Variants in FTCDNL1 observed in about 807,000 individuals in gnomAD.
FTCDNL1 encodes the protein formiminotransferase cyclodeaminase N-terminal like, also known as formiminotransferase N-terminal subdomain-containing protein.
In FTCDNL1, 11 loss-of-function variants were observed where a neutral mutation model predicts 5.9. The ratio of observed to expected loss-of-function variants is 1.87; its 90% CI spans 1.18 to 3.10. FTCDNL1 has a LOEUF of 3.10. Among genes scored for constraint, FTCDNL1 ranks in the 30% most tolerant of loss-of-function variants. FTCDNL1 has a pLI of 0.00. For synonymous variants in FTCDNL1, 58 were observed against 24.8 expected (o/e 2.34, Z -3.99); for missense variants, 115 against 65.5 (o/e 1.76, Z -2.61).
At chr2:199,723,981 C>T in the FTCDNL1 span, among the ~76,000 whole-genome samples, 1 of 152,152 alleles carries the variant, frequency 6.6e-6, no homozygotes, top group Non-Finnish European at 1.5e-5. Flanking sequence ...CTTTGCACCT[C>T]TGGCAGAATT....
At chr2:199,759,743 G>A (rs1466018826), downstream of FTCDNL1, among the ~76,000 whole-genome samples, 1 of 152,188 alleles carries the variant, frequency 6.6e-6, no homozygotes, top group East Asian at 1.9e-4. Context: ...GCTGTGAGAA[G>A]CTCATTTTTA....
chr2:199,845,947 G>A (rs555303947), intron 3 of FTCDNL1, 128 bp downstream of exon 3: 35 of 457,272 alleles, frequency 7.7e-5, no homozygotes, highest in Non-Finnish European at 1.2e-4. Context: ...GTGTAGCTTT[G>A]TGGTAGACTC....
chr2:199,797,611 G>T (rs571246410), intron 3 of FTCDNL1, among the ~76,000 whole-genome samples: 3 of 152,350 alleles, frequency 2.0e-5, no homozygotes, highest in Admixed American at 2.0e-4. Context: ...ATGAAAAGCT[G>T]ATGATGGAGA....
the FTCDNL1 span, among the ~76,000 whole-genome samples, chr2:199,665,617 A>G: frequency 2.0e-5 from 3 of 150,514 alleles, no homozygotes. Flanking sequence ...CTGGGCAACA[A>G]GAGCAAAACT....
At chr2:199,823,324 C>T (rs751486518) in intron 3 of FTCDNL1, among the ~76,000 whole-genome samples, 1 of 152,154 alleles carries the variant, frequency 6.6e-6, no homozygotes, top group African/African-American at 2.4e-5. Flanking sequence ...AATGTTGATA[C>T]TTTGACTTCC....
rs547022372 is a variant in FTCDNL1, at chr2:199,836,643, G to A, written c.211+9432C>T. On this transcript the variant is annotated intron_variant, in intron 3 of 4. Transcript: ENST00000420128. The stretch of plus-strand genomic sequence containing the variant: ...TTAACCAGGCATGGTGGTACATGCT[G>A]TAGTTCCAGCTATTCGGGAGGTGGA... Among the ~76,000 whole-genome samples the A allele has an allele frequency of 2.9e-4, 44 of 152,282 alleles. 2 individuals are homozygous for A. In the South Asian group the frequency reaches 5.0e-3, roughly 17 times the overall value.
intron 3 of FTCDNL1, among the ~76,000 whole-genome samples, chr2:199,762,670 T>A (rs1574437680): frequency 6.6e-6 from 1 of 152,202 alleles, no homozygotes; most frequent in Non-Finnish European, 1.5e-5. Flanking sequence ...TTACCCTTTA[T>A]TGTGTGATAG....
chr2:199,775,261 G>T (rs928524813), intron 3 of FTCDNL1, among the ~76,000 whole-genome samples: 7 of 152,216 alleles, frequency 4.6e-5, no homozygotes, highest in Non-Finnish European at 2.9e-5. Context: ...ATACGTGTGA[G>T]GGAGTGAAGC....
At chr2:199,765,558 T>TATA (rs1559169198) in intron 3 of FTCDNL1, among the ~76,000 whole-genome samples, 4 of 50,268 alleles carry the variant, frequency 8.0e-5, no homozygotes, top group African/African-American at 1.7e-4. Context: ...ATATATATAT[T>TATA]TTTTTTTTTT....
intron 3 of FTCDNL1, among the ~76,000 whole-genome samples, chr2:199,768,464 T>C (rs1698641960): frequency 6.6e-6 from 1 of 152,244 alleles, no homozygotes; most frequent in African/African-American, 2.4e-5. Flanking sequence ...TCTCAATGCC[T>C]TTCTGAAGAA....
the FTCDNL1 span, among the ~76,000 whole-genome samples, chr2:199,702,950 T>C: frequency 6.6e-6 from 1 of 152,028 alleles, no homozygotes; most frequent in African/African-American, 2.4e-5. Flanking sequence ...GGAGGGTGAT[T>C]GAGTGGGAGG....
intron 3 of FTCDNL1, among the ~76,000 whole-genome samples, chr2:199,828,147 G>C (rs1220266525): frequency 6.6e-6 from 1 of 152,078 alleles, no homozygotes; most frequent in Non-Finnish European, 1.5e-5. Flanking sequence ...AACAAATTTA[G>C]ATGGCCTGTG....
the FTCDNL1 span, among the ~76,000 whole-genome samples, chr2:199,706,514 G>A: frequency 6.6e-6 from 1 of 152,100 alleles, no homozygotes; most frequent in Non-Finnish European, 1.5e-5. Context: ...AACTACAGAT[G>A]GAGGCTTTTT....
Position 199,768,918 on chromosome 2 carries a change from C to T in FTCDNL1, c.212-8083G>A, listed in dbSNP as rs1273404964. Among the ~76,000 whole-genome samples the T allele has an allele frequency of 3.3e-5, 5 of 152,114 alleles. No homozygotes were observed. In the East Asian group the frequency reaches 9.6e-4, roughly 29 times the overall value. ...TTTGGATGGGTGGGCATCGTGGGCA[C>T]CCTCACCATGGCCAGGAATGTTAGG... On this transcript the variant is annotated intron_variant, in intron 3 of 3. Coordinates refer to the FTCDNL1 transcript ENST00000416668.
intron 3 of FTCDNL1, among the ~76,000 whole-genome samples, chr2:199,824,088 T>C (rs1701867756): frequency 6.6e-6 from 1 of 152,234 alleles, no homozygotes; most frequent in South Asian, 2.1e-4. Context: ...GTGCTGGAAT[T>C]ACAGGAATGG....
the FTCDNL1 span, among the ~76,000 whole-genome samples, chr2:199,688,814 G>C: frequency 1.3e-5 from 2 of 152,150 alleles, no homozygotes; most frequent in Non-Finnish European, 2.9e-5. Flanking sequence ...GTTCTGCCTC[G>C]GGTTGATAGT....
chr2:199,742,455 A>C, the FTCDNL1 span, among the ~76,000 whole-genome samples: 1 of 152,186 alleles, frequency 6.6e-6, no homozygotes, highest in Admixed American at 6.5e-5. Flanking sequence ...TTTTGCACTG[A>C]GATTCTCTTC....
chr2:199,835,555 C>T (rs1293102753), intron 3 of FTCDNL1, among the ~76,000 whole-genome samples: 2 of 151,978 alleles, frequency 1.3e-5, no homozygotes. Flanking sequence ...TGTGGAGAGA[C>T]TTGCACTTAA....
the FTCDNL1 span, among the ~76,000 whole-genome samples, chr2:199,733,171 G>A: frequency 6.6e-6 from 1 of 152,222 alleles, no homozygotes; most frequent in East Asian, 1.9e-4. Flanking sequence ...CCAGGATACT[G>A]AGGCTGGGAG....
Sources: allele counts gnomAD v4.1 joint callset (sites outside exome capture counted in the v4.1 genomes callset), GRCh38; gene constraint gnomAD v4.1.1; transcripts MANE v1.5; gene names NCBI Gene and HGNC (gene_info 2026-07-23, HGNC 2026-07-21).